KCNJ15: variants seen among roughly 807,000 people sequenced by gnomAD.
KCNJ15 encodes the protein potassium inwardly rectifying channel subfamily J member 15.
Under a neutral mutation model 23.0 loss-of-function variants are expected in KCNJ15, and 14 were observed. The observed-to-expected ratio is 0.61, with a 90% CI of 0.40 to 0.95. The LOEUF (loss-of-function observed/expected upper bound fraction) is 0.95. Ranked by LOEUF, KCNJ15 falls within the 40% of genes least tolerant of loss-of-function variation. The pLI is 0.00. For missense variants in KCNJ15, 388 were observed against 461.8 expected (o/e 0.84, Z 1.46); for synonymous variants, 185 against 183.2 (o/e 1.01, Z -0.08).
intron 1 of KCNJ15, among the ~76,000 whole-genome samples, chr21:38,247,308 G>T: frequency 6.7e-6 from 1 of 150,304 alleles, no homozygotes; most frequent in African/African-American, 2.5e-5. Context: ...ATAGGTGGAT[G>T]GATGGATCGA....
intron 1 of KCNJ15, among the ~76,000 whole-genome samples, chr21:38,241,238 G>A (rs897123923): frequency 3.9e-5 from 6 of 152,188 alleles, no homozygotes; most frequent in South Asian, 4.1e-4. Context: ...TCTGGTTTGC[G>A]CTTTGGTAAG....
intron 1 of KCNJ15, among the ~76,000 whole-genome samples, chr21:38,231,968 A>T (rs1174056445): frequency 6.6e-6 from 1 of 151,902 alleles, no homozygotes; most frequent in Non-Finnish European, 1.5e-5. Flanking sequence ...AACCAACCTC[A>T]TAAAATGAGC....
At chr21:38,278,111 A>G (rs1392692425) in intron 1 of KCNJ15, among the ~76,000 whole-genome samples, 1 of 151,698 alleles carries the variant, frequency 6.6e-6, no homozygotes, top group Non-Finnish European at 1.5e-5. Flanking sequence ...TCATCACCAC[A>G]ACCAATGTGT....
intron 1 of KCNJ15, among the ~76,000 whole-genome samples, chr21:38,251,238 G>T (rs1196723194): frequency 6.6e-6 from 1 of 152,186 alleles, no homozygotes; most frequent in Non-Finnish European, 1.5e-5. Context: ...TTCTTTGACG[G>T]GAATTGCCAC....
chr21:38,287,485 A>T (rs927930570), intron 1 of KCNJ15, among the ~76,000 whole-genome samples: 32 of 152,258 alleles, frequency 2.1e-4, no homozygotes, highest in Non-Finnish European at 4.4e-4. Flanking sequence ...AAATCTATAG[A>T]TACATATATG....
intron 1 of KCNJ15, among the ~76,000 whole-genome samples, chr21:38,245,201 G>A (rs1427244081): frequency 6.6e-6 from 1 of 152,020 alleles, no homozygotes; most frequent in Non-Finnish European, 1.5e-5. Flanking sequence ...CCGCATCCTG[G>A]TTCTATTCCC....
At chr21:38,274,010 A>C (rs1251633776) in intron 1 of KCNJ15, among the ~76,000 whole-genome samples, 3 of 152,150 alleles carry the variant, frequency 2.0e-5, no homozygotes, top group Non-Finnish European at 2.9e-5. Flanking sequence ...GAGCATTTAC[A>C]TTCTGTGGTT....
upstream of KCNJ15, among the ~76,000 whole-genome samples, chr21:38,255,321 CTT>C (rs920368278): frequency 4.5e-4 from 69 of 152,368 alleles, no homozygotes; most frequent in African/African-American, 1.6e-3. Context: ...TACTCAGATC[CTT>C]TAATTCTCAG....
At chr21:38,290,533 G>A (rs2123705481) in intron 1 of KCNJ15, among the ~76,000 whole-genome samples, 1 of 152,286 alleles carries the variant, frequency 6.6e-6, no homozygotes, top group South Asian at 2.1e-4. Context: ...TAGGGTGAGA[G>A]GAGCACCTCT....
At chr21:38,274,370 C>T (rs552165803) in intron 1 of KCNJ15, among the ~76,000 whole-genome samples, 2 of 152,320 alleles carry the variant, frequency 1.3e-5, no homozygotes, top group Admixed American at 1.3e-4. Context: ...GATCACACTT[C>T]TCCAATTTCT....
At chr21:38,298,149 T>A (rs1284870199) in intron 2 of KCNJ15, 1 of 152,104 alleles carries the variant, frequency 6.6e-6, no homozygotes, top group Non-Finnish European at 1.5e-5. Context: ...TCAAGGAATG[T>A]GGGGGAAATT....
chr21:38,277,686 G>A (rs1348162484), intron 1 of KCNJ15, among the ~76,000 whole-genome samples: 3 of 152,112 alleles, frequency 2.0e-5, no homozygotes, highest in Non-Finnish European at 4.4e-5. Flanking sequence ...TCTTAACTCA[G>A]AAGATTTCAA....
chr21:38,249,819 G>A lies in KCNJ15; in HGVS notation c.-398-7227G>A, dbSNP rs1425993397. On this transcript the variant is annotated intron_variant, in intron 1 of 4. Coordinates refer to the KCNJ15 transcript ENST00000547341. ...CAGCTGGAGTCTCCATCATCTCTAC[G>A]TGCACATTTGATAAGCTGAAGTGCA... Among the ~76,000 whole-genome samples the A allele has an allele frequency of 1.6e-4, 24 of 152,152 alleles. 1 individual carries two copies. Among genetic ancestry groups the A allele is most frequent in the Admixed American group, 1.3e-3 (20 of 15,278 alleles).
intron 1 of KCNJ15, among the ~76,000 whole-genome samples, chr21:38,274,412 T>C (rs1279398885): frequency 2.9e-5 from 2 of 68,148 alleles, no homozygotes; most frequent in Non-Finnish European, 6.3e-5. Context: ...AACAGGAAGA[T>C]GCTGTCTGTG....
At chr21:38,265,408 G>A (rs1981357598) in intron 1 of KCNJ15, among the ~76,000 whole-genome samples, 1 of 152,194 alleles carries the variant, frequency 6.6e-6, no homozygotes, top group African/African-American at 2.4e-5. Flanking sequence ...AACATGTCTA[G>A]TCCAATATCC....
chr21:38,265,102 C>T (rs777133439), intron 1 of KCNJ15, among the ~76,000 whole-genome samples: 1 of 152,206 alleles, frequency 6.6e-6, no homozygotes, highest in Non-Finnish European at 1.5e-5. Context: ...AGCATCATTT[C>T]AGTCTCCTTC....
At chr21:38,267,163 G>A (rs138081616) in intron 1 of KCNJ15, 3 of 152,404 alleles carry the variant, frequency 2.0e-5, no homozygotes, top group Non-Finnish European at 2.9e-5. Flanking sequence ...CAGGAGTACA[G>A]TTGCTTAAAG....
Position 38,300,178 on chromosome 21 carries a change from A to G in KCNJ15, c.917A>G (p.Tyr306Cys), listed in dbSNP as rs143222338. The G allele has an allele frequency of 1.9e-6, 3 of 1,613,946 alleles. No individual in the cohort carries two copies. The highest frequency in any genetic ancestry group is 2.2e-5 in the East Asian group (1 of 44,884). Residue 306 changes from tyrosine (Y) to cysteine (C), a missense_variant, in exon 3 of 3, where the codon TAC (tyrosine) becomes TGC (cysteine). Tyr to Cys is a radical substitution (Grantham distance 194). Coordinates refer to ENST00000398938, the MANE Select transcript of KCNJ15 (RefSeq NM_170736.3). The stretch of plus-strand genomic sequence containing the variant: ...ACATCTTATATCCCAGAGGAAATCT[A>G]CTGGGGTTTTGAGTTTGTGCCTGTG... ...SRTSYIPEEI[Y>C]WGFEFVPVVS...
intron 1 of KCNJ15, among the ~76,000 whole-genome samples, chr21:38,250,784 G>A (rs768346638): frequency 5.3e-5 from 8 of 152,230 alleles, no homozygotes; most frequent in Non-Finnish European, 1.2e-4. Flanking sequence ...GGAAGGAAAT[G>A]TAGAATGAAT....
Sources: gnomAD v4.1 joint callset for allele counts (sites outside exome capture counted in the v4.1 genomes callset) on GRCh38, gnomAD v4.1.1 for gene constraint, MANE v1.5 for transcripts, NCBI Gene and HGNC (gene_info 2026-07-23, HGNC 2026-07-21) for gene names.